Variants in WWP1 observed in about 807,000 individuals in gnomAD.
WWP1 encodes NEDD4-like E3 ubiquitin-protein ligase WWP1.
In WWP1, 49 loss-of-function variants were observed where a neutral mutation model predicts 130.6. That is an observed-to-expected ratio of 0.38 (90% CI 0.30 to 0.48). The LOEUF is 0.48. Among genes scored for constraint, WWP1 ranks in the 20% least tolerant of loss-of-function variants. The pLI is 0.99. For synonymous variants in WWP1, 332 were observed against 367.8 expected (o/e 0.90, Z 1.11); for missense variants, 809 against 1,100.6 (o/e 0.74, Z 3.75).
chr8:86,373,369 A>AT (rs1238880565), intron 2 of WWP1, among the ~76,000 whole-genome samples: 4 of 151,260 alleles, frequency 2.6e-5, no homozygotes, highest in African/African-American at 4.9e-5. Flanking sequence ...GTTCATTATT[A>AT]TTTTTTTTGT....
intron 1 of WWP1, among the ~76,000 whole-genome samples, chr8:86,351,699 A>G (rs536716214): frequency 6.6e-6 from 1 of 152,292 alleles, no homozygotes; most frequent in East Asian, 1.9e-4. Flanking sequence ...CATGGCTGGC[A>G]ATATATCAGC....
At chr8:86,379,999 A>C (rs955159556) in intron 3 of WWP1, among the ~76,000 whole-genome samples, 2 of 152,168 alleles carry the variant, frequency 1.3e-5, no homozygotes, top group Non-Finnish European at 2.9e-5. Context: ...CAGGAGTTCT[A>C]CTCCAAAGTA....
In WWP1 at chr8:86,452,585, G is replaced by T; in HGVS notation, c.2300G>T (p.Arg767Leu). ...TTAATGACAGAATGGCGTTTTTCTC[G>T]AGGAGTACAAGAACAGACCAAAGCT... is the stretch of plus-strand genomic sequence containing the variant. The part of the protein sequence containing the change: ...IGLMTEWRFS[R>L]GVQEQTKAFL... Residue 767 changes from arginine (R) to leucine (L), a missense_variant, in exon 21 of 25, where the codon CGA (arginine) becomes CTA (leucine). By Grantham distance (102) the Arg-to-Leu change is moderately radical. Transcript: ENST00000517970. The T allele has an allele frequency of 6.2e-7, 1 of 1,606,652 alleles. No homozygotes were observed. Among genetic ancestry groups the T allele is most frequent in the Admixed American group, 1.7e-5 (1 of 58,644 alleles).
intron 24 of WWP1, among the ~76,000 whole-genome samples, chr8:86,462,151 A>G (rs1364448819): frequency 1.3e-5 from 2 of 152,206 alleles, no homozygotes; most frequent in Non-Finnish European, 1.5e-5. Flanking sequence ...ACAAATGACA[A>G]ACAGATAAAC....
At chr8:86,460,458 G>T (rs775888094) in intron 22 of WWP1, among the ~76,000 whole-genome samples, 2 of 152,166 alleles carry the variant, frequency 1.3e-5, no homozygotes, top group African/African-American at 2.4e-5. Flanking sequence ...CAGTGGGGAT[G>T]CTAATGATTC....
intron 18 of WWP1, among the ~76,000 whole-genome samples, chr8:86,443,733 A>T (rs1810715355): frequency 6.6e-6 from 1 of 152,220 alleles, no homozygotes; most frequent in South Asian, 2.1e-4. Flanking sequence ...TCACTGATGG[A>T]TGACACATGA....
chr8:86,461,797 T>C lies in WWP1; in HGVS notation c.2620T>C (p.Cys874Arg). The change falls in exon 24 of 25, where the codon TGC becomes CGC. Residue 874 changes from cysteine to arginine, a missense_variant. Coordinates refer to ENST00000517970, the MANE Select transcript of WWP1 (RefSeq NM_007013.4). ...AGGAAGTAATGGGCCTCAAAAGTTT[T>C]GCATTGAAAAAGTTGGCAAAGACAC... ...LMGSNGPQKF[C>R]IEKVGKDTWL... The C allele has an allele frequency of 2.5e-6, 4 of 1,614,084 alleles. No homozygotes were observed. The highest frequency in any genetic ancestry group is 3.4e-6 in the Non-Finnish European group (4 of 1,179,972).
intron 21 of WWP1, among the ~76,000 whole-genome samples, chr8:86,452,934 G>A (rs368952361): frequency 4.0e-4 from 61 of 152,152 alleles, no homozygotes; most frequent in African/African-American, 1.5e-3. Context: ...AGAGTTGTTG[G>A]AACATTATTA....
chr8:86,451,599 G>A lies in WWP1; in HGVS notation c.2274-960G>A, dbSNP rs151089127. 5.8e-3 allele frequency among the ~76,000 whole-genome samples: 876 copies of A among 152,204 alleles called. 1 individual carries two copies. Among genetic ancestry groups the A allele is most frequent in the Middle Eastern group, 0.014 (4 of 294 alleles). ...AAGTTGGAGTTGGAGTTGAGGATAC[G>A]GGACAAAGAGGGTTTAGTAATTGAA... On this transcript the variant is annotated intron_variant, in intron 20 of 24. Transcript: ENST00000517970.
intron 3 of WWP1, among the ~76,000 whole-genome samples, chr8:86,378,234 C>T (rs1047704262): frequency 2.6e-5 from 4 of 152,064 alleles, no homozygotes; most frequent in Admixed American, 1.3e-4. Flanking sequence ...CAAAACCAAT[C>T]AGTTGGTGTT....
At chr8:86,435,268 C>A (rs1013326580) in intron 14 of WWP1, among the ~76,000 whole-genome samples, 184 bp from the exon 15 acceptor site, 1 of 152,160 alleles carries the variant, frequency 6.6e-6, no homozygotes, top group Non-Finnish European at 1.5e-5. Flanking sequence ...TATGTGTGTC[C>A]TGTTGCTGTA....
chr8:86,460,790 CTTTTTTTTTTTTTTTTTTTT>C (rs59506795), intron 22 of WWP1, among the ~76,000 whole-genome samples: 39 of 62,404 alleles, frequency 6.2e-4, no homozygotes, highest in African/African-American at 1.6e-3. Flanking sequence ...TTTAGCACAT[CTTTTTTTTTTTTTTTTTTTT>C]TTTTTTTTTT....
chr8:86,439,180 A>G (rs1250198686), intron 17 of WWP1, among the ~76,000 whole-genome samples: 1 of 151,986 alleles, frequency 6.6e-6, no homozygotes, highest in Non-Finnish European at 1.5e-5. Context: ...CGTCTCTACT[A>G]AAAATAAAAA....
At chr8:86,448,580 C>T (rs1306089597) in intron 20 of WWP1, 67 bp downstream of exon 20, 2 of 1,436,036 alleles carry the variant, frequency 1.4e-6, no homozygotes, top group Non-Finnish European at 1.9e-6. Flanking sequence ...CTCTCTGTAC[C>T]CTTAATTTCA....
intron 24 of WWP1, among the ~76,000 whole-genome samples, chr8:86,462,132 T>C (rs932362303): frequency 6.6e-6 from 1 of 152,140 alleles, no homozygotes; most frequent in Admixed American, 6.5e-5. Flanking sequence ...TTGTGCCCCA[T>C]GGTGGGGCAC....
intron 9 of WWP1, among the ~76,000 whole-genome samples, chr8:86,413,871 G>A (rs1808723361): frequency 6.6e-6 from 1 of 152,134 alleles, no homozygotes; most frequent in Non-Finnish European, 1.5e-5. Context: ...CTTTTATTAA[G>A]ATCATTTTTG....
intron 10 of WWP1, 38 bp from the exon 11 acceptor site, chr8:86,427,605 T>C (rs376110798): frequency 1.3e-6 from 2 of 1,511,258 alleles, no homozygotes; most frequent in Non-Finnish European, 1.8e-6. Flanking sequence ...TTTTCTTATA[T>C]TGAGAGATTA....
chr8:86,366,977 T>A (rs1054655909), intron 1 of WWP1, among the ~76,000 whole-genome samples: 1 of 152,220 alleles, frequency 6.6e-6, no homozygotes, highest in African/African-American at 2.4e-5. Context: ...GGAGTTGCTC[T>A]ATTGAGGGGG....
chr8:86,356,767 A>G (rs1206240716), intron 1 of WWP1, among the ~76,000 whole-genome samples: 1 of 152,180 alleles, frequency 6.6e-6, no homozygotes, highest in Non-Finnish European at 1.5e-5. Flanking sequence ...CTTTCCTGCA[A>G]TGGAGGAAAG....
Sources: allele counts gnomAD v4.1 joint callset (sites outside exome capture counted in the v4.1 genomes callset), GRCh38; gene constraint gnomAD v4.1.1; transcripts MANE v1.5; gene names NCBI Gene and HGNC (gene_info 2026-07-23, HGNC 2026-07-21).